Variants in CCDC88C observed in about 807,000 individuals in gnomAD.
CCDC88C encodes the protein coiled-coil and HOOK domain protein 88C.
CCDC88C carries 131 observed loss-of-function variants against 198.8 expected under a neutral mutation model. That is an observed-to-expected ratio of 0.66 (90% confidence interval 0.57 to 0.76). The LOEUF is 0.76. Ranked by LOEUF, CCDC88C falls within the 30% of genes least tolerant of loss-of-function variation. CCDC88C has a pLI of 0.00. For missense variants in CCDC88C, 2,553 were observed against 2,631.6 expected (o/e 0.97, Z 0.65); for synonymous variants, 1,166 against 1,114.7 (o/e 1.05, Z -0.92).
At chr14:91,392,200 T>TAC (rs1463157450) in intron 3 of CCDC88C, among the ~76,000 whole-genome samples, 1 of 152,096 alleles carries the variant, frequency 6.6e-6, no homozygotes, top group African/African-American at 2.4e-5. Flanking sequence ...CCTGAACCTG[T>TAC]ACCTAGGAGG....
At position 91,272,628 on chromosome 14, in the gene CCDC88C, C is replaced by G. The variant is rs762793091; in HGVS notation, c.6084G>C (p.Val2028=). 6.2e-7 allele frequency: 1 copy of G among 1,607,022 alleles called. No individual in the cohort carries two copies. Residue 2028 remains valine (V), a synonymous_variant, in exon 30 of 30, where the codon GTG becomes GTC. Coordinates refer to ENST00000389857, the MANE Select transcript of CCDC88C (RefSeq NM_001080414.4). ...PQTVWYEYGC[V] ...TGCGAGCTCAACCACGAGACAGTCA[C>G]ACACAGCCGTACTCATACCACACGG...
At chr14:91,298,501 C>T (rs1197060453) in intron 21 of CCDC88C, among the ~76,000 whole-genome samples, 1 of 151,474 alleles carries the variant, frequency 6.6e-6, no homozygotes, top group Admixed American at 6.6e-5. Flanking sequence ...GTCACTCCAG[C>T]CTCAGTGGCT....
At chr14:91,379,978 T>C (rs976429710) in intron 3 of CCDC88C, 16 of 692,572 alleles carry the variant, frequency 2.3e-5, no homozygotes, top group African/African-American at 1.4e-4. Context: ...GGTAAAACTG[T>C]TGGGAACTGC....
At chr14:91,392,705 GCCCCTCACTGCAACCCCTCACTGAGC>G (rs1273118261) in intron 3 of CCDC88C, among the ~76,000 whole-genome samples, 3 of 151,336 alleles carry the variant, frequency 2.0e-5, no homozygotes, top group African/African-American at 7.4e-5. Context: ...AGCAAGGGCG[GCCCCTCACTGCAACCCCTCACTGAGC>G]CCCCTCACTC....
chr14:91,277,663 G>A (rs776160886), intron 29 of CCDC88C, among the ~76,000 whole-genome samples: 28 of 152,216 alleles, frequency 1.8e-4, no homozygotes, highest in Non-Finnish European at 3.7e-4. Context: ...GTCAGGTGCT[G>A]GCCACGCACC....
intron 6 of CCDC88C, 111 bp downstream of exon 6, chr14:91,342,269 G>GT: frequency 1.6e-6 from 1 of 636,056 alleles, no homozygotes; most frequent in Non-Finnish European, 2.9e-6. Context: ...TAGCAAAATC[G>GT]TAATGGGTGA....
intron 3 of CCDC88C, among the ~76,000 whole-genome samples, chr14:91,385,097 C>T (rs1885046649): frequency 6.6e-6 from 1 of 152,150 alleles, no homozygotes; most frequent in Admixed American, 6.5e-5. Context: ...CAAGGTCCAC[C>T]AGGACACAGC....
intron 25 of CCDC88C, chr14:91,283,729 T>G (rs561088010): frequency 1.7e-6 from 1 of 588,124 alleles, no homozygotes; most frequent in African/African-American, 1.9e-5. Context: ...AGAGGCCCCA[T>G]GAGGATGGCT....
intron 29 of CCDC88C, among the ~76,000 whole-genome samples, chr14:91,276,670 GTTTC>G (rs1469523408): frequency 2.0e-5 from 3 of 152,208 alleles, no homozygotes; most frequent in Non-Finnish European, 2.9e-5. Context: ...GTCCAAATGT[GTTTC>G]TTTAAGGGGA....
rs751345941 is a variant in CCDC88C, at chr14:91,324,920, G to A, written c.1201C>T (p.Arg401Trp). The part of the protein sequence containing the change: ...KSKLHDLELD[R>W]DTDKKRIEEL... ...TCAATTCGTTTCTTATCTGTGTCCC[G>A]GTCCTGGGGCAAGCAAGAAGAGGCA... The change falls in exon 12 of 30, where the codon CGG (arginine) becomes TGG (tryptophan). Residue 401 changes from arginine (R) to tryptophan (W), a missense_variant. Around this residue, in one of 2 missense-constraint regions of CCDC88C, gnomAD observed 1,260 missense variants for 1,412.0 expected, o/e 0.89. Coordinates refer to ENST00000389857, the MANE Select transcript of CCDC88C (RefSeq NM_001080414.4). The A allele has an allele frequency of 9.9e-6, 16 of 1,613,414 alleles. No homozygotes were observed. The highest frequency in any genetic ancestry group is 5.3e-5 in the African/African-American group (4 of 74,910).
intron 4 of CCDC88C, among the ~76,000 whole-genome samples, chr14:91,348,440 T>A (rs1893643970): frequency 6.6e-6 from 1 of 151,730 alleles, no homozygotes; most frequent in Non-Finnish European, 1.5e-5. Flanking sequence ...ATTGTGCCAC[T>A]GCACTGTAGC....
intron 10 of CCDC88C, among the ~76,000 whole-genome samples, chr14:91,335,776 C>A (rs1186821192): frequency 6.6e-6 from 1 of 152,178 alleles, no homozygotes; most frequent in Non-Finnish European, 1.5e-5. Flanking sequence ...GGAGGGAATC[C>A]CAAATTGTTC....
At chr14:91,310,379 AGG>A (rs554191604) in intron 15 of CCDC88C, among the ~76,000 whole-genome samples, 3,134 of 152,238 alleles carry the variant, frequency 0.021, 124 homozygotes, top group African/African-American at 0.072. Context: ...ATGTGTAAAG[AGG>A]GGAAATATTT....
chr14:91,281,647 C>A, intron 26 of CCDC88C, 122 bp from the exon 27 acceptor site: 1 of 797,448 alleles, frequency 1.3e-6, no homozygotes, highest in Non-Finnish European at 2.1e-6. Flanking sequence ...GAGGGAATGG[C>A]ATGCAGATGC....
intron 2 of CCDC88C, among the ~76,000 whole-genome samples, chr14:91,411,937 T>C (rs979883377): frequency 4.0e-5 from 6 of 148,292 alleles, no homozygotes; most frequent in Non-Finnish European, 7.4e-5. Context: ...CACTCCAGCC[T>C]GTGCAACAGA....
chr14:91,285,781 C>T (rs1221813953), intron 25 of CCDC88C: 3 of 1,289,080 alleles, frequency 2.3e-6, no homozygotes, highest in Admixed American at 4.6e-5. Context: ...TCGTTGGAGA[C>T]TTGTCTTTGT....
intron 2 of CCDC88C, among the ~76,000 whole-genome samples, chr14:91,414,542 C>T (rs1385024869): frequency 1.3e-5 from 2 of 152,158 alleles, no homozygotes; most frequent in Non-Finnish European, 2.9e-5. Flanking sequence ...GAAAAGGTTC[C>T]CCCGGGTCCT....
chr14:91,309,784 G>A (rs1044174972), intron 16 of CCDC88C, 75 bp downstream of exon 16: 4 of 1,495,870 alleles, frequency 2.7e-6, no homozygotes, highest in Non-Finnish European at 3.6e-6. Context: ...AGGTCTCAGG[G>A]GAGGGTGAGG....
chr14:91,379,719 G>C, intron 3 of CCDC88C: 1 of 657,162 alleles, frequency 1.5e-6, no homozygotes. Flanking sequence ...AGAGCCCACA[G>C]TGATGGCCTT....
Sources: allele counts gnomAD v4.1 joint callset (sites outside exome capture counted in the v4.1 genomes callset), GRCh38; gene constraint gnomAD v4.1.1; regional missense constraint gnomAD v4.1.1; transcripts MANE v1.5; gene names NCBI Gene and HGNC (gene_info 2026-07-23, HGNC 2026-07-21).